The following ATP2C1 variants were observed in gnomAD, a reference collection of about 807,000 sequenced individuals.
The protein encoded by ATP2C1 is ATPase secretory pathway Ca2+ transporting 1, also known as calcium-transporting ATPase type 2C member 1.
ATP2C1 carries 31 observed loss-of-function variants against 120.5 expected under a neutral mutation model. The ratio of observed to expected loss-of-function variants is 0.26; its 90% confidence interval spans 0.19 to 0.35. ATP2C1 has a LOEUF of 0.35. Among genes scored for constraint, ATP2C1 ranks in the 10% least tolerant of loss-of-function variants. ATP2C1 has a pLI of 1.00. For missense variants in ATP2C1, 731 were observed against 1,107.5 expected, an observed-to-expected ratio of 0.66 and a Z score of 4.83; for synonymous variants, 351 against 358.7, an observed-to-expected ratio of 0.98 and a Z score of 0.24.
chr3:130,942,895 G>C (rs1420894503), intron 8 of ATP2C1, among the ~76,000 whole-genome samples: 3 of 152,098 alleles, frequency 2.0e-5, no homozygotes, highest in African/African-American at 7.2e-5. Flanking sequence ...CCCTCCCCCA[G>C]AAAACCCTAA....
chr3:130,897,511 G>C (rs1363691088), intron 2 of ATP2C1, among the ~76,000 whole-genome samples: 2 of 152,198 alleles, frequency 1.3e-5, no homozygotes, highest in Admixed American at 1.3e-4. Context: ...CTGTTCCCTA[G>C]TAAGAGTATC....
intron 22 of ATP2C1, among the ~76,000 whole-genome samples, chr3:130,994,481 G>A (rs1577027913): frequency 6.6e-6 from 1 of 151,982 alleles, no homozygotes; most frequent in Non-Finnish European, 1.5e-5. Flanking sequence ...ATCCATACCT[G>A]TTTTTTATAT....
chr3:131,001,682 G>T lies in ATP2C1; in HGVS notation c.*332G>T, dbSNP rs1231259807. On this transcript the variant is annotated 3_prime_UTR_variant, in exon 28 of 28. Transcript: ENST00000510168. Reference sequence around the variant, plus strand: ...CAGTACAAATACACTATCTATCTTAGATAGATATATTTTTTTTTATTTTTA... The same window carrying T: ...CAGTACAAATACACTATCTATCTTATATAGATATATTTTTTTTTATTTTTA... The T allele has an allele frequency of 9.2e-6, 9 of 979,716 alleles. No homozygotes were observed. Among genetic ancestry groups the T allele is most frequent in the Non-Finnish European group, 1.1e-5 (9 of 822,988 alleles). The allele number at this position is 979,716 out of a possible 1,614,324, so 60.7% of individuals were successfully genotyped here.
chr3:130,922,393 A>AT (rs931730082), intron 2 of ATP2C1, among the ~76,000 whole-genome samples: 12 of 149,004 alleles, frequency 8.1e-5, no homozygotes, highest in South Asian at 2.1e-4. Context: ...GATTTTGTTT[A>AT]TTTTTTTTTA....
intron 20 of ATP2C1, among the ~76,000 whole-genome samples, chr3:130,989,165 G>A (rs2062173033): frequency 6.7e-6 from 1 of 149,784 alleles, no homozygotes; most frequent in Non-Finnish European, 1.5e-5. Context: ...GCAGAGAATT[G>A]CTTGAACCAA....
Position 130,967,380 on chromosome 3 carries a change from G to A in ATP2C1, c.1269G>A (p.Gly423=), listed in dbSNP as rs564674592. The change falls in exon 16 of 28, where the codon GGG becomes GGA. Residue 423 remains glycine (G), a synonymous_variant. Coordinates refer to ENST00000510168, the MANE Select transcript of ATP2C1 (RefSeq NM_001378687.1). ...TAATTAGAAACAATACTCTAATGGG[G>A]AAGCCAACAGAAGGGGCCTTAATTG... ...DAVIRNNTLM[G]KPTEGALIAL... 11 of 1,613,690 alleles carry A rather than the reference G, an allele frequency of 6.8e-6. No individual in the cohort carries two copies. In the South Asian group the frequency reaches 1.1e-4, roughly 16 times the overall value.
intron 20 of ATP2C1, among the ~76,000 whole-genome samples, chr3:130,990,277 C>T (rs546445939): frequency 7.4e-6 from 1 of 135,470 alleles, no homozygotes; most frequent in Non-Finnish European, 1.6e-5. Context: ...GAGCAACCCC[C>T]CCCCCCACAA....
intron 1 of ATP2C1, among the ~76,000 whole-genome samples, chr3:130,882,759 T>G (rs1430541701): frequency 6.6e-6 from 1 of 152,216 alleles, no homozygotes; most frequent in African/African-American, 2.4e-5. Context: ...GGTTTGCTAG[T>G]ATTTCATTGA....
At chr3:130,966,844 A>C (rs1310164739) in intron 14 of ATP2C1, among the ~76,000 whole-genome samples, 2 of 152,180 alleles carry the variant, frequency 1.3e-5, no homozygotes, top group Non-Finnish European at 2.9e-5. Flanking sequence ...ATATAAGTGT[A>C]ATGTCATATA....
intron 10 of ATP2C1, 57 bp downstream of exon 10, chr3:130,955,137 A>T (rs2060524626): frequency 8.6e-7 from 1 of 1,166,720 alleles, no homozygotes; most frequent in South Asian, 1.2e-5. Flanking sequence ...TCTTCATTGT[A>T]AGTAGAGAAT....
intron 1 of ATP2C1, among the ~76,000 whole-genome samples, chr3:130,866,011 T>C (rs955336990): frequency 1.3e-5 from 2 of 152,228 alleles, no homozygotes; most frequent in Admixed American, 1.3e-4. Flanking sequence ...TTTTTTCATA[T>C]ATATCCTATT....
At chr3:130,889,605 GTGGTT>G (rs2069098063), upstream of ATP2C1, among the ~76,000 whole-genome samples, 1 of 133,052 alleles carries the variant, frequency 7.5e-6, no homozygotes, top group Non-Finnish European at 1.6e-5. Flanking sequence ...TAACCCCTTT[GTGGTT>G]TTTGGAGATG....
intron 20 of ATP2C1, among the ~76,000 whole-genome samples, chr3:130,989,828 G>A (rs2062231370): frequency 6.6e-6 from 1 of 152,152 alleles, no homozygotes; most frequent in Non-Finnish European, 1.5e-5. Context: ...TTTCAGTGCT[G>A]TGTGCTACAT....
At chr3:130,869,423 A>T (rs1576552212) in intron 1 of ATP2C1, 8 of 41,206 alleles carry the variant, frequency 1.9e-4, no homozygotes, top group African/African-American at 4.4e-4. Context: ...AATGATCAAT[A>T]AAAAATAAAA....
At chr3:130,972,136 C>T (rs1486499713) in intron 17 of ATP2C1, among the ~76,000 whole-genome samples, 2 of 152,166 alleles carry the variant, frequency 1.3e-5, no homozygotes, top group Non-Finnish European at 2.9e-5. Context: ...AACCTAGATC[C>T]CTTGCATGTG....
intron 8 of ATP2C1, among the ~76,000 whole-genome samples, chr3:130,947,263 T>A (rs76878154): frequency 0.013 from 1,982 of 152,172 alleles, 54 homozygotes; most frequent in African/African-American, 0.045. Context: ...AAAAAAAAAA[T>A]TATTAAAACA....
intron 2 of ATP2C1, among the ~76,000 whole-genome samples, chr3:130,908,196 A>C (rs2058229694): frequency 6.6e-6 from 1 of 152,058 alleles, no homozygotes. Flanking sequence ...TGAACAACCA[A>C]AGTTTCACTT....
intron 20 of ATP2C1, among the ~76,000 whole-genome samples, chr3:130,984,227 G>A (rs1424280417): frequency 2.6e-5 from 4 of 151,948 alleles, no homozygotes; most frequent in African/African-American, 7.3e-5. Context: ...GTTGTTTGCT[G>A]TTTCTTTGAA....
intron 2 of ATP2C1, among the ~76,000 whole-genome samples, chr3:130,927,132 A>G (rs971824644): frequency 2.0e-5 from 3 of 152,208 alleles, no homozygotes; most frequent in Non-Finnish European, 2.9e-5. Context: ...TAAACACTAT[A>G]TAAGTACTAT....
Sources: allele counts gnomAD v4.1 joint callset (sites outside exome capture counted in the v4.1 genomes callset), GRCh38; gene constraint gnomAD v4.1.1; transcripts MANE v1.5; gene names NCBI Gene and HGNC (gene_info 2026-07-23, HGNC 2026-07-21).